The following DLGAP1 variants were observed in gnomAD, a reference collection of about 807,000 sequenced individuals.
DLGAP1 encodes the protein disks large-associated protein 1.
DLGAP1 carries 11 observed loss-of-function variants against 90.8 expected under a neutral mutation model. The ratio of observed to expected loss-of-function variants is 0.12; its 90% CI spans 0.08 to 0.20. DLGAP1 has a LOEUF of 0.20. Among genes scored for constraint, DLGAP1 ranks in the 10% least tolerant of loss-of-function variants. The probability of loss-of-function intolerance (pLI) is 1.00; values close to 1 mark genes in which losing one functional copy is unlikely to be tolerated. For synonymous variants in DLGAP1, 558 were observed against 540.7 expected, an observed-to-expected ratio of 1.03 and a Z score of -0.44; for missense variants, 1,050 against 1,333.8, an observed-to-expected ratio of 0.79 and a Z score of 3.31.
chr18:3,975,011 T>G (rs2073540527), intron 3 of DLGAP1, among the ~76,000 whole-genome samples: 1 of 152,160 alleles, frequency 6.6e-6, no homozygotes, highest in Non-Finnish European at 1.5e-5. Context: ...GGAATGGTGA[T>G]TGCCAGGGGC....
intron 7 of DLGAP1, among the ~76,000 whole-genome samples, chr18:3,584,075 G>A (rs966461238): frequency 3.3e-5 from 5 of 152,094 alleles, no homozygotes; most frequent in African/African-American, 1.2e-4. Context: ...TGATTACAAC[G>A]CTGAGGGTTT....
At chr18:3,765,117 C>T (rs2064158245) in intron 5 of DLGAP1, among the ~76,000 whole-genome samples, 25 of 126,378 alleles carry the variant, frequency 2.0e-4, no homozygotes, top group East Asian at 1.1e-3. Flanking sequence ...CACTTGCAAA[C>T]TTTTTTTTTT....
intron 1 of DLGAP1, among the ~76,000 whole-genome samples, chr18:4,344,371 T>G (rs942069533): frequency 6.3e-4 from 96 of 152,150 alleles, no homozygotes; most frequent in African/African-American, 2.1e-3. Flanking sequence ...ATGATAAAAT[T>G]TAAAATATCA....
intron 10 of DLGAP1, among the ~76,000 whole-genome samples, chr18:3,527,307 CTCTT>C (rs1410610135): frequency 1.3e-5 from 2 of 151,718 alleles, no homozygotes; most frequent in East Asian, 1.9e-4. Context: ...ATTAGATAGA[CTCTT>C]TCTTCTTCAA....
chr18:3,904,857 AC>A (rs2071861701), intron 3 of DLGAP1, among the ~76,000 whole-genome samples: 1 of 152,140 alleles, frequency 6.6e-6, no homozygotes, highest in Non-Finnish European at 1.5e-5. Context: ...TACATCTTGT[AC>A]ATAAAATATA....
intron 1 of DLGAP1, among the ~76,000 whole-genome samples, chr18:4,354,691 GCTC>G (rs922870189): frequency 6.6e-6 from 1 of 151,570 alleles, no homozygotes; most frequent in African/African-American, 2.4e-5. Flanking sequence ...CCCCTACACT[GCTC>G]CTCATCTTCA....
chr18:4,178,202 AAC>A (rs59444096), intron 1 of DLGAP1, among the ~76,000 whole-genome samples: 28,854 of 117,986 alleles, frequency 0.24, 2,764 homozygotes, highest in Middle Eastern at 0.32. Context: ...TCCTGGAATA[AAC>A]ACACACACAC....
chr18:3,524,197 C>A (rs867186771), intron 10 of DLGAP1, among the ~76,000 whole-genome samples: 11 of 151,864 alleles, frequency 7.2e-5, no homozygotes, highest in Admixed American at 4.6e-4. Flanking sequence ...ACTGATTGAG[C>A]CTGGGCAGTT....
At chr18:4,065,888 G>T (rs1220832760) in intron 2 of DLGAP1, among the ~76,000 whole-genome samples, 1 of 152,102 alleles carries the variant, frequency 6.6e-6, no homozygotes, top group Non-Finnish European at 1.5e-5. Flanking sequence ...GAACAAAGCT[G>T]AAGGCATCAA....
chr18:3,939,812 C>T (rs548377565), intron 3 of DLGAP1, among the ~76,000 whole-genome samples: 1 of 152,274 alleles, frequency 6.6e-6, no homozygotes, highest in East Asian at 1.9e-4. Flanking sequence ...TTCTGAGGCT[C>T]AAACACAAAG....
intron 1 of DLGAP1, among the ~76,000 whole-genome samples, chr18:4,219,989 T>C (rs1417035395): frequency 6.6e-6 from 1 of 152,142 alleles, no homozygotes; most frequent in Non-Finnish European, 1.5e-5. Context: ...ATATAAATTT[T>C]AGGACTGTTT....
At chr18:3,808,320 G>C (rs115262300) in intron 5 of DLGAP1, among the ~76,000 whole-genome samples, 19 of 151,182 alleles carry the variant, frequency 1.3e-4, no homozygotes, top group African/African-American at 4.4e-4. Context: ...TAGTCAGGTC[G>C]CGTTTCTTAT....
intron 2 of DLGAP1, among the ~76,000 whole-genome samples, chr18:4,029,647 G>T (rs2149127269): frequency 6.6e-6 from 1 of 152,312 alleles, no homozygotes; most frequent in Non-Finnish European, 1.5e-5. Flanking sequence ...TATACCAGGA[G>T]CTCACCCTAA....
chr18:3,921,947 G>C (rs1296650747), intron 3 of DLGAP1, among the ~76,000 whole-genome samples: 2 of 152,122 alleles, frequency 1.3e-5, no homozygotes, highest in Non-Finnish European at 2.9e-5. Flanking sequence ...TCTATTGAGA[G>C]ATCTAGATTT....
Position 3,581,973 on chromosome 18 carries a change from CA to C in DLGAP1, c.1866del (p.Ala623ProfsTer9), listed in dbSNP as rs2055551307. The C allele has an allele frequency of 6.2e-7, 1 of 1,613,768 alleles. No homozygotes were observed. The highest frequency in any genetic ancestry group is 1.7e-5 in the Admixed American group (1 of 59,944). On this transcript the variant is annotated frameshift_variant, in exon 8 of 13. Transcript: ENST00000315677. LOFTEE classifies it high-confidence loss of function. ...GPASQHMGNN[T>X]ATVTTTTTIA... ...ATGGTAGTCGTGGTGGTGACGGTGG[CA>C]GTGTTATTGCCCATGTGTTGACTGG...
intron 2 of DLGAP1, among the ~76,000 whole-genome samples, chr18:4,059,616 C>T (rs1369044545): frequency 6.6e-6 from 1 of 152,040 alleles, no homozygotes; most frequent in East Asian, 1.9e-4. Flanking sequence ...GAGGCTGAGG[C>T]AGGAGAATCA....
intron 1 of DLGAP1, among the ~76,000 whole-genome samples, chr18:4,392,569 G>A (rs1450645875): frequency 3.9e-5 from 6 of 152,268 alleles, no homozygotes; most frequent in Middle Eastern, 3.4e-3. Flanking sequence ...AGAGAGTGCT[G>A]CTAGGTCTCT....
intron 5 of DLGAP1, among the ~76,000 whole-genome samples, chr18:3,756,821 C>G (rs1373513897): frequency 6.6e-6 from 1 of 152,106 alleles, no homozygotes; most frequent in Non-Finnish European, 1.5e-5. Context: ...ATACTGAAGT[C>G]AGCAACTGAG....
At chr18:4,227,085 A>G (rs534325385) in intron 1 of DLGAP1, among the ~76,000 whole-genome samples, 6 of 152,078 alleles carry the variant, frequency 3.9e-5, no homozygotes, top group Non-Finnish European at 8.8e-5. Flanking sequence ...AGATTTCAGA[A>G]CAAAAACTAT....
Sources: gnomAD v4.1 joint callset for allele counts (sites outside exome capture counted in the v4.1 genomes callset) on GRCh38, gnomAD v4.1.1 for gene constraint, MANE v1.5 for transcripts, NCBI Gene and HGNC (gene_info 2026-07-23, HGNC 2026-07-21) for gene names.